RPTOR: variants seen among roughly 807,000 people sequenced by gnomAD.
RPTOR encodes the protein regulatory associated protein of MTOR complex 1.
A neutral mutation model predicts 169.9 loss-of-function variants in RPTOR; 21 were observed. The ratio of observed to expected loss-of-function variants is 0.12; its 90% CI spans 0.09 to 0.18. RPTOR has a LOEUF of 0.18. Among genes scored for constraint, RPTOR ranks in the 10% least tolerant of loss-of-function variants. The probability of loss-of-function intolerance (pLI) is 1.00; values close to 1 mark genes in which losing one functional copy is unlikely to be tolerated. For synonymous variants in RPTOR, 732 were observed against 753.2 expected (o/e 0.97, Z 0.46); for missense variants, 1,133 against 1,855.9 (o/e 0.61, Z 7.16).
chr17:80,793,075 C>T (rs560286118), intron 7 of RPTOR, among the ~76,000 whole-genome samples: 5 of 152,274 alleles, frequency 3.3e-5, no homozygotes, highest in South Asian at 2.1e-4. Context: ...CTTCTCAAAG[C>T]GCCGGGATTA....
At chr17:80,814,015 G>T (rs1418365698) in intron 7 of RPTOR, among the ~76,000 whole-genome samples, 3 of 152,106 alleles carry the variant, frequency 2.0e-5, no homozygotes, top group Non-Finnish European at 4.4e-5. Flanking sequence ...TGTGCCTGTG[G>T]TCCCAGCTAC....
chr17:80,762,166 G>A (rs1051106765), intron 6 of RPTOR, among the ~76,000 whole-genome samples: 6 of 152,242 alleles, frequency 3.9e-5, no homozygotes, highest in South Asian at 2.1e-4. Flanking sequence ...CGTTTTAAAA[G>A]ATGACGTGTA....
chr17:80,855,714 G>T (rs2067844792), intron 12 of RPTOR, among the ~76,000 whole-genome samples, 167 bp downstream of exon 12: 1 of 152,196 alleles, frequency 6.6e-6, no homozygotes, highest in Non-Finnish European at 1.5e-5. Flanking sequence ...AGGCCCTCAA[G>T]GAGCCCACTC....
chr17:80,628,353 T>C (rs2065412420), intron 2 of RPTOR, among the ~76,000 whole-genome samples: 1 of 152,206 alleles, frequency 6.6e-6, no homozygotes, highest in Non-Finnish European at 1.5e-5. Flanking sequence ...GGCATTAAAT[T>C]TTCCTAGATT....
intron 13 of RPTOR, among the ~76,000 whole-genome samples, chr17:80,858,694 A>G (rs2067883543): frequency 6.6e-6 from 1 of 151,978 alleles, no homozygotes; most frequent in South Asian, 2.1e-4. Context: ...TGGAAACGCC[A>G]GGAAGGGCCT....
intron 3 of RPTOR, among the ~76,000 whole-genome samples, chr17:80,696,495 T>C (rs1347744479): frequency 2.6e-5 from 4 of 152,174 alleles, no homozygotes; most frequent in Non-Finnish European, 5.9e-5. Context: ...AGAATTCCCA[T>C]GTAGATTCAT....
intron 13 of RPTOR, among the ~76,000 whole-genome samples, chr17:80,873,952 C>T (rs2672872): frequency 0.029 from 4,381 of 152,228 alleles, 100 homozygotes; most frequent in South Asian, 0.068. Flanking sequence ...AAGTCAGCCC[C>T]GGACTGAGCA....
intron 5 of RPTOR, chr17:80,743,389 T>A: frequency 1.0e-6 from 1 of 985,474 alleles, no homozygotes; most frequent in Non-Finnish European, 1.2e-6. Flanking sequence ...ATGTCTAACC[T>A]GAGCCGTAGA....
At chr17:80,682,110 C>T (rs1378452998) in intron 3 of RPTOR, among the ~76,000 whole-genome samples, 2 of 72,630 alleles carry the variant, frequency 2.8e-5, no homozygotes, top group Non-Finnish European at 5.8e-5. Flanking sequence ...GATTAGGTCC[C>T]CCCCCCCACC....
chr17:80,681,107 G>A (rs2065894843), intron 3 of RPTOR, among the ~76,000 whole-genome samples: 1 of 152,128 alleles, frequency 6.6e-6, no homozygotes, highest in Non-Finnish European at 1.5e-5. Context: ...CCAGGCTCAT[G>A]GAGGGAGGGG....
intron 3 of RPTOR, among the ~76,000 whole-genome samples, chr17:80,668,544 A>G (rs537795358): frequency 6.6e-6 from 1 of 152,312 alleles, no homozygotes; most frequent in East Asian, 1.9e-4. Flanking sequence ...AGACAGCAAA[A>G]TAAAACAATG....
chr17:80,854,831 T>A (rs1224679953), intron 11 of RPTOR, among the ~76,000 whole-genome samples: 3 of 152,228 alleles, frequency 2.0e-5, no homozygotes, highest in Non-Finnish European at 4.4e-5. Context: ...AGGTTGAGGC[T>A]GCAGTGAGCC....
chr17:80,747,120 G>A (rs1259584323), intron 5 of RPTOR, among the ~76,000 whole-genome samples: 1 of 152,250 alleles, frequency 6.6e-6, no homozygotes, highest in Non-Finnish European at 1.5e-5. Flanking sequence ...AGGAGGCTGA[G>A]GGAGGTGAAT....
Position 80,940,693 on chromosome 17 carries a change from C to T in RPTOR, c.3025+92C>T, listed in dbSNP as rs8082065. 7,023 of 1,017,630 alleles carry T rather than the reference C, an allele frequency of 6.9e-3. 221 individuals are homozygous for T. In the African/African-American group the frequency reaches 0.076, roughly 11 times the overall value. 63.0% of individuals were successfully genotyped at this position (1,017,630 alleles called of 1,614,324 possible). On this transcript the variant is annotated intron_variant, in intron 25 of 33. Transcript: ENST00000306801. ...GTGAGCAGGCCCCCCGCGGCCCACG[C>T]ACAACCTTCTCCAGCCATCCACTGT...
chr17:80,864,763 A>G (rs1319760205), intron 13 of RPTOR, among the ~76,000 whole-genome samples: 1 of 152,252 alleles, frequency 6.6e-6, no homozygotes, highest in African/African-American at 2.4e-5. Flanking sequence ...TTTTATTTAA[A>G]TCTTCTTTAA....
chr17:80,877,570 T>C (rs1261808704), intron 13 of RPTOR, among the ~76,000 whole-genome samples: 3 of 152,232 alleles, frequency 2.0e-5, no homozygotes, highest in Non-Finnish European at 4.4e-5. Flanking sequence ...TGAGACATGT[T>C]TGAGGAGCTT....
intron 20 of RPTOR, among the ~76,000 whole-genome samples, chr17:80,895,447 G>A (rs577549825): frequency 5.3e-5 from 8 of 152,252 alleles, no homozygotes; most frequent in East Asian, 3.9e-4. Context: ...TCATTGGCCC[G>A]GCCCATCTCT....
At chr17:80,616,519 G>A (rs1039880422) in intron 1 of RPTOR, among the ~76,000 whole-genome samples, 3 of 152,220 alleles carry the variant, frequency 2.0e-5, no homozygotes, top group South Asian at 2.1e-4. Context: ...GGCTGGTCTC[G>A]AACTCCTGAC....
chr17:80,699,338 A>G (rs1187586206), intron 3 of RPTOR, among the ~76,000 whole-genome samples: 1,171 of 116,326 alleles, frequency 0.01, no homozygotes, highest in Middle Eastern at 0.04. Context: ...TGCTGTGCAC[A>G]GTACCCTGGT....
Sources: gnomAD v4.1 joint callset for allele counts (sites outside exome capture counted in the v4.1 genomes callset) on GRCh38, gnomAD v4.1.1 for gene constraint, MANE v1.5 for transcripts, NCBI Gene and HGNC (gene_info 2026-07-23, HGNC 2026-07-21) for gene names.